ULK4: variants seen among roughly 807,000 people sequenced by gnomAD.
ULK4 encodes the protein unc-51 like kinase 4.
ULK4 carries 133 observed loss-of-function variants against 160.6 expected under a neutral mutation model. The ratio of observed to expected loss-of-function variants is 0.83; its 90% CI spans 0.72 to 0.96. ULK4 has a LOEUF of 0.96. ULK4 is among the 40% of genes least tolerant of loss of function. The pLI, the probability that ULK4 is intolerant of heterozygous loss-of-function variation, is 0.00. For missense variants in ULK4, 1,580 were observed against 1,499.5 expected, an observed-to-expected ratio of 1.05 and a Z score of -0.89; for synonymous variants, 534 against 539.8, an observed-to-expected ratio of 0.99 and a Z score of 0.15.
intron 21 of ULK4, among the ~76,000 whole-genome samples, chr3:41,776,384 TTTAAG>T (rs1484013363): frequency 1.3e-5 from 2 of 150,866 alleles, no homozygotes; most frequent in African/African-American, 2.5e-5. Context: ...TAAATTTTCT[TTTAAG>T]TTTTTTTCAA....
At chr3:41,937,746 T>C (rs1487901066) in intron 3 of ULK4, 1 of 195,140 alleles carries the variant, frequency 5.1e-6, no homozygotes, top group East Asian at 1.2e-4. Flanking sequence ...AGTATGCTTT[T>C]CATAAAAACA....
rs187867215 is a variant in ULK4, at chr3:41,457,094, C to T, written c.3394-1499G>A. Among the ~76,000 whole-genome samples, 19 of 152,290 alleles carry T rather than the reference C, an allele frequency of 1.2e-4. No homozygotes were observed. The East Asian group carries it at 2.7e-3, about 22-fold the overall frequency. ...GGTCTGAACCTTTCTGAATCTTGGC[C>T]GTTGATCCCTTGCCCTCTGAAACAT... On this transcript the variant is annotated intron_variant, in intron 33 of 36. Coordinates refer to ENST00000301831, the MANE Select transcript of ULK4 (RefSeq NM_017886.4).
intron 20 of ULK4, among the ~76,000 whole-genome samples, chr3:41,796,934 A>G (rs975439872): frequency 9.9e-5 from 15 of 152,184 alleles, no homozygotes; most frequent in Non-Finnish European, 1.3e-4. Flanking sequence ...AGTGATAGAA[A>G]TAAGTCCAAG....
At chr3:41,830,488 G>A (rs1186113800) in intron 18 of ULK4, among the ~76,000 whole-genome samples, 2 of 151,930 alleles carry the variant, frequency 1.3e-5, no homozygotes, top group African/African-American at 2.4e-5. Flanking sequence ...TTTTGGAGGT[G>A]ATAGGTTCAT....
At chr3:41,773,810 G>A (rs2039500299) in intron 21 of ULK4, among the ~76,000 whole-genome samples, 1 of 152,082 alleles carries the variant, frequency 6.6e-6, no homozygotes. Context: ...CACGCTACCT[G>A]ACTTCAAACT....
intron 1 of ULK4, among the ~76,000 whole-genome samples, chr3:41,957,612 CCAAGA>C (rs1480266901): frequency 6.6e-6 from 1 of 151,814 alleles, no homozygotes; most frequent in African/African-American, 2.4e-5. Context: ...CTTTGGGAGG[CCAAGA>C]CAAAAGAACT....
At chr3:41,876,041 G>A (rs143741404) in intron 17 of ULK4, among the ~76,000 whole-genome samples, 1 of 151,330 alleles carries the variant, frequency 6.6e-6, no homozygotes, top group African/African-American at 2.4e-5. Flanking sequence ...GGAAATGTGT[G>A]GACTAGAGGA....
At chr3:41,745,089 T>C (rs1244434013) in intron 22 of ULK4, among the ~76,000 whole-genome samples, 1 of 151,508 alleles carries the variant, frequency 6.6e-6, no homozygotes, top group African/African-American at 2.4e-5. Context: ...ATAGAAATAA[T>C]GCTACATGAG....
At chr3:41,459,966 G>A (rs1470034669) in intron 33 of ULK4, among the ~76,000 whole-genome samples, 2 of 152,150 alleles carry the variant, frequency 1.3e-5, no homozygotes, top group Non-Finnish European at 2.9e-5. Flanking sequence ...AGGACTATGG[G>A]CTATGACAGA....
chr3:41,568,258 A>G (rs1374619338), intron 31 of ULK4, among the ~76,000 whole-genome samples: 1 of 152,232 alleles, frequency 6.6e-6, no homozygotes, highest in African/African-American at 2.4e-5. Context: ...TATGAGACAA[A>G]ATAGGGAACA....
intron 32 of ULK4, among the ~76,000 whole-genome samples, chr3:41,541,367 G>C (rs777105530): frequency 6.6e-6 from 1 of 152,078 alleles, no homozygotes; most frequent in Non-Finnish European, 1.5e-5. Context: ...TGAGGCGTCC[G>C]TTCTGTTCCA....
At chr3:41,888,399 T>C (rs530153418) in intron 16 of ULK4, among the ~76,000 whole-genome samples, 10 of 152,156 alleles carry the variant, frequency 6.6e-5, no homozygotes, top group Non-Finnish European at 1.2e-4. Flanking sequence ...ATGACATGCA[T>C]AGATAGAATT....
intron 22 of ULK4, among the ~76,000 whole-genome samples, chr3:41,749,770 A>G (rs1248252142): frequency 1.3e-5 from 2 of 152,198 alleles, no homozygotes; most frequent in African/African-American, 4.8e-5. Flanking sequence ...AGCCTAAGCT[A>G]ATCAAGTGAG....
chr3:41,792,218 G>A (rs1401107887), intron 20 of ULK4, among the ~76,000 whole-genome samples: 1 of 152,056 alleles, frequency 6.6e-6, no homozygotes, highest in East Asian at 1.9e-4. Flanking sequence ...CTATGTCCAT[G>A]TAACAACAGA....
At chr3:41,636,148 C>T (rs2033941594) in intron 30 of ULK4, among the ~76,000 whole-genome samples, 1 of 152,086 alleles carries the variant, frequency 6.6e-6, no homozygotes, top group Non-Finnish European at 1.5e-5. Context: ...CATGTATTAC[C>T]ATTGCCTACT....
intron 32 of ULK4, among the ~76,000 whole-genome samples, chr3:41,484,854 G>C (rs965578590): frequency 6.6e-6 from 1 of 152,150 alleles, no homozygotes; most frequent in African/African-American, 2.4e-5. Context: ...TTATGAGTCA[G>C]ATTGTGGTAA....
intron 35 of ULK4, among the ~76,000 whole-genome samples, chr3:41,256,967 G>A (rs969368552): frequency 6.6e-6 from 1 of 152,178 alleles, no homozygotes; most frequent in African/African-American, 2.4e-5. Flanking sequence ...CAATCTTCTT[G>A]CTTGGCCTCT....
chr3:41,459,405 C>G (rs996995970), intron 33 of ULK4, among the ~76,000 whole-genome samples: 1 of 152,084 alleles, frequency 6.6e-6, no homozygotes, highest in African/African-American at 2.4e-5. Flanking sequence ...TTTTAGCACA[C>G]AGTGGAGCAT....
rs150345968 is a variant in ULK4, at chr3:41,287,185, G to A, written c.3679-37611C>T. 6.1e-4 allele frequency among the ~76,000 whole-genome samples: 93 copies of A among 152,204 alleles called. 1 individual carries two copies. The East Asian group carries it at 0.017, about 27-fold the overall frequency. ...GATCAGGGTAGGAACTTAATTTTGG[G>A]GACAATAAAAAGGTGAGCTAAGAGC... is the stretch of plus-strand genomic sequence containing the variant. On this transcript the variant is annotated intron_variant, in intron 35 of 36. Coordinates refer to ENST00000301831, the MANE Select transcript of ULK4 (RefSeq NM_017886.4).
Sources: gnomAD v4.1 joint callset for allele counts (sites outside exome capture counted in the v4.1 genomes callset) on GRCh38, gnomAD v4.1.1 for gene constraint, MANE v1.5 for transcripts, NCBI Gene and HGNC (gene_info 2026-07-23, HGNC 2026-07-21) for gene names.